Variants in GRIN2A observed in about 807,000 individuals in gnomAD.
The protein encoded by GRIN2A is glutamate ionotropic receptor NMDA type subunit 2A.
A neutral mutation model predicts 113.4 loss-of-function variants in GRIN2A; 22 were observed. The ratio of observed to expected loss-of-function variants is 0.19; its 90% CI spans 0.14 to 0.28. The LOEUF (loss-of-function observed/expected upper bound fraction) is 0.28, where lower values mean the gene tolerates loss of function less well. Ranked by LOEUF, GRIN2A falls within the 10% of genes least tolerant of loss-of-function variation. The probability of loss-of-function intolerance (pLI) is 1.00; values close to 1 mark genes in which losing one functional copy is unlikely to be tolerated. For missense variants in GRIN2A, 1,502 were observed against 1,887.0 expected, an observed-to-expected ratio of 0.80 and a Z score of 3.78; for synonymous variants, 827 against 738.4, an observed-to-expected ratio of 1.12 and a Z score of -1.94.
intron 2 of GRIN2A, among the ~76,000 whole-genome samples, chr16:9,967,283 G>A (rs531064702): frequency 6.6e-6 from 1 of 152,330 alleles, no homozygotes; most frequent in South Asian, 2.1e-4. Context: ...ACAAAATGAT[G>A]TCTTGCAGCA....
At chr16:9,828,552 C>T (rs1343431186) in intron 9 of GRIN2A, among the ~76,000 whole-genome samples, 1 of 152,180 alleles carries the variant, frequency 6.6e-6, no homozygotes, top group Non-Finnish European at 1.5e-5. Context: ...ACACACAGAA[C>T]AGAAAATCTT....
At position 10,180,385 on chromosome 16, in the gene GRIN2A, C is replaced by T. The variant is rs2142391446; in HGVS notation, c.27G>A (p.Leu9=). 2 of 1,607,476 alleles carry T rather than the reference C, an allele frequency of 1.2e-6. No individual in the cohort carries two copies. Among genetic ancestry groups the T allele is most frequent in the South Asian group, 1.1e-5 (1 of 91,072 alleles). MGRVGYWT[L]LVLPALLVWR... ...AGACCAGAAGGGCCGGCAGCACCAG[C>T]AGGGTCCAATAGCCCACTCTGCCCA... Residue 9 remains leucine (L), a synonymous_variant, in exon 2 of 13, where the codon CTG becomes CTA. Coordinates refer to ENST00000330684, the MANE Select transcript of GRIN2A (RefSeq NM_001134407.3). This position sits in a 1 kb window ranked among gnomAD's most constrained non-coding sequence, Gnocchi z 7.0.
Position 10,180,415 on chromosome 16 carries a change from C to A in GRIN2A, c.-4G>T, listed in dbSNP as rs760642357. On this transcript the variant is annotated 5_prime_UTR_variant, in exon 2 of 13. Transcript: ENST00000330684. The surrounding 1 kb of genome is among the most constrained non-coding windows in gnomAD (Gnocchi z 7.0). Reference sequence around the variant, plus strand: ...TCCAATAGCCCACTCTGCCCATAGTCGCCACTGACGGTCCCTGCAAGGTGA... The same window carrying A: ...TCCAATAGCCCACTCTGCCCATAGTAGCCACTGACGGTCCCTGCAAGGTGA... The A allele has an allele frequency of 5.5e-5, 88 of 1,604,136 alleles. No homozygotes were observed. Among genetic ancestry groups the A allele is most frequent in the Non-Finnish European group, 7.4e-5 (87 of 1,179,530 alleles).
chr16:9,970,008 G>A (rs945518309), intron 2 of GRIN2A, among the ~76,000 whole-genome samples: 1 of 152,202 alleles, frequency 6.6e-6, no homozygotes, highest in Non-Finnish European at 1.5e-5. Flanking sequence ...CTCTCCGTGT[G>A]AATCTTATAC....
chr16:10,038,802 C>T (rs546243353), intron 2 of GRIN2A, among the ~76,000 whole-genome samples: 9 of 151,282 alleles, frequency 5.9e-5, no homozygotes, highest in Admixed American at 5.9e-4. Flanking sequence ...GAGCCGAGAT[C>T]GCGCCACTGC....
chr16:9,762,781 T>C lies in GRIN2A; in HGVS notation c.*368A>G. 2.5e-6 allele frequency: 1 copy of C among 401,836 alleles called. No individual in the cohort carries two copies. Among genetic ancestry groups the C allele is most frequent in the Non-Finnish European group, 4.6e-6 (1 of 219,666 alleles). 24.9% of individuals were successfully genotyped at this position (401,836 alleles called of 1,614,324 possible). A position where few individuals can be genotyped will look rare whatever the true frequency, so the allele number is the denominator to read the frequency against. On this transcript the variant is annotated 3_prime_UTR_variant, in exon 13 of 13. Coordinates refer to ENST00000330684, the MANE Select transcript of GRIN2A (RefSeq NM_001134407.3). ...AGGCATTTCTGATGAGAAAATTACA[T>C]GGTGGGCTGACCTTAATGGAATTTG...
chr16:10,141,835 T>C (rs1327564344), intron 2 of GRIN2A, among the ~76,000 whole-genome samples: 1 of 152,218 alleles, frequency 6.6e-6, no homozygotes, highest in Non-Finnish European at 1.5e-5. Flanking sequence ...AAGGGAATGA[T>C]GCATTGCCAA....
intron 4 of GRIN2A, among the ~76,000 whole-genome samples, chr16:9,884,662 A>T (rs939336155): frequency 2.0e-5 from 3 of 152,014 alleles, no homozygotes; most frequent in Admixed American, 1.3e-4. Context: ...AGCCTAGAGC[A>T]ATCCAATTTA....
At chr16:9,923,663 A>G (rs1283026439) in intron 3 of GRIN2A, among the ~76,000 whole-genome samples, 1 of 152,168 alleles carries the variant, frequency 6.6e-6, no homozygotes, top group African/African-American at 2.4e-5. Flanking sequence ...ATACCACTAT[A>G]CTACGTAAGT....
In GRIN2A at chr16:9,754,575, A is replaced by G. The variant is rs1275829714; in HGVS notation, c.*8574T>C. On this transcript the variant is annotated 3_prime_UTR_variant, in exon 13 of 13. Transcript: ENST00000330684. ...AGAGGCCTGAATCTTTTGTTTTTAA[A>G]CTGAAACATTTACGTAAGTGGTCAT... 1 of 212,072 alleles carries G rather than the reference A, an allele frequency of 4.7e-6. No homozygotes were observed. Among genetic ancestry groups the G allele is most frequent in the African/African-American group, 2.3e-5 (1 of 44,198 alleles). 13.1% of individuals were successfully genotyped at this position (212,072 alleles called of 1,614,324 possible).
intron 2 of GRIN2A, among the ~76,000 whole-genome samples, chr16:9,992,058 A>G (rs1165582552): frequency 2.6e-5 from 4 of 152,336 alleles, no homozygotes; most frequent in Admixed American, 2.0e-4. Flanking sequence ...CCCAGAACTT[A>G]AAGTATAATA....
At chr16:9,994,870 G>A (rs1222516757) in intron 2 of GRIN2A, among the ~76,000 whole-genome samples, 1 of 152,138 alleles carries the variant, frequency 6.6e-6, no homozygotes, top group Non-Finnish European at 1.5e-5. Context: ...TCTTGATGAT[G>A]GTGAATAAGC....
At chr16:9,926,999 C>G (rs2044480577) in intron 3 of GRIN2A, among the ~76,000 whole-genome samples, 1 of 151,708 alleles carries the variant, frequency 6.6e-6, no homozygotes, top group Admixed American at 6.6e-5. Flanking sequence ...GGGTTTGGAA[C>G]CAAAGGAAAC....
intron 3 of GRIN2A, among the ~76,000 whole-genome samples, chr16:9,912,166 A>C (rs2044154933): frequency 6.6e-6 from 1 of 152,112 alleles, no homozygotes; most frequent in African/African-American, 2.4e-5. Flanking sequence ...AGAAGGAAGA[A>C]GAAGAATGGG....
intron 2 of GRIN2A, among the ~76,000 whole-genome samples, chr16:10,026,750 C>G (rs568095688): frequency 2.0e-5 from 3 of 152,268 alleles, no homozygotes; most frequent in South Asian, 4.2e-4. Context: ...GTGAGAAACA[C>G]GCCAAACAAG....
intron 2 of GRIN2A, among the ~76,000 whole-genome samples, chr16:10,088,248 C>T (rs899270468): frequency 6.6e-6 from 1 of 152,128 alleles, no homozygotes; most frequent in African/African-American, 2.4e-5. Context: ...ATCCTAAAGT[C>T]GATTTCCTAA....
intron 2 of GRIN2A, among the ~76,000 whole-genome samples, chr16:10,055,073 AAAAAAAAAAAAAG>A (rs2047427766): frequency 2.6e-5 from 2 of 78,416 alleles, no homozygotes; most frequent in African/African-American, 1.3e-4. Context: ...AAAAAAAAAA[AAAAAAAAAAAAAG>A]AAAAAAGAAA....
chr16:9,934,269 C>G (rs1325858871), intron 3 of GRIN2A, among the ~76,000 whole-genome samples: 1 of 151,990 alleles, frequency 6.6e-6, no homozygotes, highest in Non-Finnish European at 1.5e-5. Context: ...ATAAATTTCC[C>G]CCACCTTGAT....
chr16:10,040,098 C>G (rs1054601669), intron 2 of GRIN2A, among the ~76,000 whole-genome samples: 45 of 152,032 alleles, frequency 3.0e-4, no homozygotes, highest in African/African-American at 1.1e-3. Context: ...CACAAATACA[C>G]TACACACATC....
Sources: gnomAD v4.1 joint callset for allele counts (sites outside exome capture counted in the v4.1 genomes callset) on GRCh38, gnomAD v4.1.1 for gene constraint, Gnocchi (gnomAD v3.1) non-coding constraint, MANE v1.5 for transcripts, NCBI Gene and HGNC (gene_info 2026-07-23, HGNC 2026-07-21) for gene names.